The following SPIDR variants were observed in gnomAD, a reference collection of about 807,000 sequenced individuals.
The protein encoded by SPIDR is scaffold protein involved in DNA repair, also known as DNA repair-scaffolding protein.
SPIDR carries 93 observed loss-of-function variants against 104.6 expected under a neutral mutation model. That is an observed-to-expected ratio of 0.89 (90% CI 0.75 to 1.06). The LOEUF (loss-of-function observed/expected upper bound fraction) is 1.06. Ranked by LOEUF, SPIDR falls within the 50% of genes least tolerant of loss-of-function variation. The pLI, the probability that SPIDR is intolerant of heterozygous loss-of-function variation, is 0.00. For missense variants in SPIDR, 1,154 were observed against 1,111.2 expected (o/e 1.04, Z -0.55); for synonymous variants, 431 against 416.9 (o/e 1.03, Z -0.41).
At chr8:47,617,020 A>G (rs2064414768) in intron 10 of SPIDR, among the ~76,000 whole-genome samples, 1 of 152,072 alleles carries the variant, frequency 6.6e-6, no homozygotes, top group African/African-American at 2.4e-5. Flanking sequence ...TTTGTAGAGG[A>G]TCCCTTATTT....
intron 10 of SPIDR, among the ~76,000 whole-genome samples, chr8:47,661,931 G>A (rs542696107): frequency 6.6e-6 from 1 of 152,276 alleles, no homozygotes; most frequent in Non-Finnish European, 1.5e-5. Context: ...GCCCTTCCCA[G>A]TTCTGTGTTA....
chr8:47,279,411 C>G (rs1207873112), intron 1 of SPIDR: 1 of 155,208 alleles, frequency 6.4e-6, no homozygotes, highest in African/African-American at 2.4e-5. Flanking sequence ...GCCCAGGCTG[C>G]TCTCATCTCT....
intron 10 of SPIDR, chr8:47,654,223 A>T: frequency 8.0e-7 from 1 of 1,254,628 alleles, no homozygotes; most frequent in South Asian, 1.2e-5. Context: ...GTTAGAAGAA[A>T]GGAAAGAACA....
intron 8 of SPIDR, among the ~76,000 whole-genome samples, chr8:47,445,433 G>A (rs2070386402): frequency 6.6e-6 from 1 of 152,192 alleles, no homozygotes; most frequent in Admixed American, 6.5e-5. Context: ...TTGACCGGAT[G>A]TTCCCCCATC....
chr8:47,358,879 A>G (rs1185506785), intron 5 of SPIDR, among the ~76,000 whole-genome samples: 1 of 152,178 alleles, frequency 6.6e-6, no homozygotes, highest in Non-Finnish European at 1.5e-5. Context: ...CAGCACAAAT[A>G]AATCTCAATT....
chr8:47,282,912 A>G (rs1002936700), intron 2 of SPIDR, among the ~76,000 whole-genome samples: 6 of 151,146 alleles, frequency 4.0e-5, no homozygotes, highest in Admixed American at 1.3e-4. Context: ...GTGGAGTGCA[A>G]TGGTGCGATA....
chr8:47,268,464 A>G (rs1433289551), intron 1 of SPIDR, among the ~76,000 whole-genome samples: 1 of 152,172 alleles, frequency 6.6e-6, no homozygotes, highest in African/African-American at 2.4e-5. Flanking sequence ...TTGTCTTTTC[A>G]TTTATTTAGA....
chr8:47,548,163 G>A (rs1483088922), intron 8 of SPIDR, among the ~76,000 whole-genome samples: 1 of 151,864 alleles, frequency 6.6e-6, no homozygotes, highest in Non-Finnish European at 1.5e-5. Context: ...TTGTTAATTA[G>A]AAGATAAGAA....
At chr8:47,662,970 A>G (rs2074354800) in intron 10 of SPIDR, among the ~76,000 whole-genome samples, 1 of 152,204 alleles carries the variant, frequency 6.6e-6, no homozygotes, top group Non-Finnish European at 1.5e-5. Flanking sequence ...ACTGTGAGCA[A>G]TACATTTCTA....
intron 8 of SPIDR, among the ~76,000 whole-genome samples, chr8:47,515,849 C>A (rs1421108823): frequency 1.3e-5 from 2 of 152,186 alleles, no homozygotes; most frequent in African/African-American, 4.8e-5. Flanking sequence ...CTCGCTCTGT[C>A]ACCCAGGCTG....
At chr8:47,570,539 A>G (rs1164009670) in intron 8 of SPIDR, among the ~76,000 whole-genome samples, 1 of 152,242 alleles carries the variant, frequency 6.6e-6, no homozygotes, top group East Asian at 1.9e-4. Context: ...AGCATAAGCA[A>G]TAAAAGGAAA....
chr8:47,347,528 T>C (rs1442861207), intron 5 of SPIDR, among the ~76,000 whole-genome samples: 1 of 152,182 alleles, frequency 6.6e-6, no homozygotes, highest in Non-Finnish European at 1.5e-5. Context: ...CGTTGATCTG[T>C]CTAATATTGA....
chr8:47,320,261 G>A (rs1194539321), intron 5 of SPIDR, among the ~76,000 whole-genome samples: 1 of 152,084 alleles, frequency 6.6e-6, no homozygotes, highest in African/African-American at 2.4e-5. Flanking sequence ...AATGATAAAG[G>A]AGATATCACC....
At chr8:47,271,434 T>A (rs1015367790) in intron 1 of SPIDR, among the ~76,000 whole-genome samples, 14 of 152,236 alleles carry the variant, frequency 9.2e-5, no homozygotes, top group South Asian at 6.2e-4. Context: ...GCTTGGATAA[T>A]CTCATTTGTC....
At chr8:47,553,897 C>G (rs2090945697) in intron 8 of SPIDR, among the ~76,000 whole-genome samples, 1 of 152,158 alleles carries the variant, frequency 6.6e-6, no homozygotes, top group South Asian at 2.1e-4. Context: ...CTACTTTGGT[C>G]TTTGATGATG....
intron 5 of SPIDR, among the ~76,000 whole-genome samples, chr8:47,347,080 AT>A (rs1443575314): frequency 6.6e-5 from 10 of 152,084 alleles, no homozygotes; most frequent in African/African-American, 2.4e-4. Flanking sequence ...TCTTGTGGGC[AT>A]TTAGAGCTAT....
At chr8:47,405,571 A>C (rs2062634747) in intron 6 of SPIDR, among the ~76,000 whole-genome samples, 1 of 152,140 alleles carries the variant, frequency 6.6e-6, no homozygotes, top group Non-Finnish European at 1.5e-5. Context: ...AGAAATGTTT[A>C]CCAATGTCAA....
chr8:47,515,841 C>T (rs952398295), intron 8 of SPIDR, among the ~76,000 whole-genome samples: 2 of 152,196 alleles, frequency 1.3e-5, no homozygotes, highest in Non-Finnish European at 2.9e-5. Context: ...GACGGAGTCT[C>T]GCTCTGTCAC....
intron 5 of SPIDR, among the ~76,000 whole-genome samples, chr8:47,354,899 T>A (rs2054226144): frequency 6.6e-6 from 1 of 152,120 alleles, no homozygotes; most frequent in Non-Finnish European, 1.5e-5. Context: ...TGCCTCGGCC[T>A]CCCAGAGTGT....
Sources: allele counts gnomAD v4.1 joint callset (sites outside exome capture counted in the v4.1 genomes callset), GRCh38; gene constraint gnomAD v4.1.1; transcripts MANE v1.5; gene names NCBI Gene and HGNC (gene_info 2026-07-23, HGNC 2026-07-21).